Variants in PARD3B observed in about 807,000 individuals in gnomAD.
The protein encoded by PARD3B is par-3 family cell polarity regulator beta, also known as partitioning defective 3 homolog B.
PARD3B carries 103 observed loss-of-function variants against 130.2 expected under a neutral mutation model. The observed-to-expected ratio is 0.79, with a 90% CI of 0.67 to 0.93. The LOEUF is 0.93. PARD3B is among the 40% of genes least tolerant of loss of function. PARD3B has a pLI of 0.00. For synonymous variants in PARD3B, 583 were observed against 553.2 expected, an observed-to-expected ratio of 1.05 and a Z score of -0.76; for missense variants, 1,609 against 1,499.2, an observed-to-expected ratio of 1.07 and a Z score of -1.21.
intron 2 of PARD3B, among the ~76,000 whole-genome samples, chr2:204,925,447 C>T (rs1687530874): frequency 6.6e-6 from 1 of 152,004 alleles, no homozygotes; most frequent in South Asian, 2.1e-4. Flanking sequence ...TGTAATTGAG[C>T]TCCTTGAGTC....
chr2:204,610,885 T>TA lies in PARD3B; in HGVS notation c.120+64767dup, dbSNP rs373858695. ...TAAAATTCAGTTGATATATGCTTGA[T>TA]ACAATTTACTCAGATTTTTGAAGAT... On this transcript the variant is annotated intron_variant, in intron 1 of 22. Transcript: ENST00000406610. The surrounding 1 kb of genome is among the most constrained non-coding windows in gnomAD (Gnocchi z 4.1). 2.8e-3 allele frequency among the ~76,000 whole-genome samples: 433 copies of TA among 152,330 alleles called. 4 individuals carry two copies. Among genetic ancestry groups the TA allele is most frequent in the African/African-American group, 0.01 (416 of 41,586 alleles).
intron 2 of PARD3B, among the ~76,000 whole-genome samples, chr2:204,774,628 A>G (rs1168368399): frequency 5.3e-5 from 8 of 152,100 alleles, no homozygotes; most frequent in Admixed American, 5.2e-4. Context: ...CTACTAGCCT[A>G]CTTTTTGATT....
chr2:205,349,461 T>G (rs2105839160), intron 18 of PARD3B, among the ~76,000 whole-genome samples: 1 of 152,336 alleles, frequency 6.6e-6, no homozygotes, highest in Admixed American at 6.5e-5. Flanking sequence ...TGTTGTTTCT[T>G]ACTTCATCAA....
At chr2:204,550,332 CGTA>C (rs1424237895) in intron 1 of PARD3B, among the ~76,000 whole-genome samples, 4 of 151,558 alleles carry the variant, frequency 2.6e-5, no homozygotes, top group Non-Finnish European at 5.9e-5. Context: ...GTTCAGTACA[CGTA>C]GTTTTTTTTC....
At chr2:204,831,770 T>C (rs968802845) in intron 2 of PARD3B, among the ~76,000 whole-genome samples, 3 of 152,184 alleles carry the variant, frequency 2.0e-5, no homozygotes, top group Admixed American at 2.0e-4. Flanking sequence ...AAGGGGACTA[T>C]TGCAAACAAC....
chr2:205,441,313 A>G (rs1412737594), intron 20 of PARD3B, among the ~76,000 whole-genome samples: 1 of 152,244 alleles, frequency 6.6e-6, no homozygotes, highest in Non-Finnish European at 1.5e-5. Context: ...ACTATCTGTC[A>G]GTACAATTGA....
chr2:204,590,532 G>A (rs1017698609), intron 1 of PARD3B, among the ~76,000 whole-genome samples: 3 of 152,166 alleles, frequency 2.0e-5, no homozygotes, highest in Admixed American at 1.3e-4. Context: ...TCTCTTCTGG[G>A]CATATGGCAA....
chr2:205,540,501 T>G (rs917107433), intron 21 of PARD3B, among the ~76,000 whole-genome samples: 13 of 152,196 alleles, frequency 8.5e-5, no homozygotes, highest in Non-Finnish European at 2.9e-5. Context: ...GCTATTGAAA[T>G]CAAAACATTC....
chr2:204,945,956 C>A (rs1005494012), intron 2 of PARD3B, among the ~76,000 whole-genome samples: 2 of 152,166 alleles, frequency 1.3e-5, no homozygotes, highest in African/African-American at 2.4e-5. Context: ...GTTGTTTCTT[C>A]TGCCTTGAAG....
intron 2 of PARD3B, among the ~76,000 whole-genome samples, chr2:204,917,277 G>A (rs1209692689): frequency 6.6e-6 from 1 of 152,224 alleles, no homozygotes; most frequent in Non-Finnish European, 1.5e-5. Context: ...GGAAGGATCT[G>A]TAGCTGAGGA....
chr2:204,798,406 C>G (rs1559153228), intron 2 of PARD3B, among the ~76,000 whole-genome samples: 1 of 152,142 alleles, frequency 6.6e-6, no homozygotes, highest in African/African-American at 2.4e-5. Context: ...GCCAGCCCCC[C>G]CACAGCAGGC....
rs560449278 is a variant in PARD3B at position 205,200,383 on chromosome 2, C to T, written c.2140+7063C>T. Reference sequence around the variant, plus strand: ...TGTCTGTTATACAAAGCAAACAGACCTCTTTCAGTCTTAGTTAATTTTTCT... The same window carrying T: ...TGTCTGTTATACAAAGCAAACAGACTTCTTTCAGTCTTAGTTAATTTTTCT... On this transcript the variant is annotated intron_variant, in intron 15 of 22. Transcript: ENST00000406610. Among the ~76,000 whole-genome samples, 17 of 152,206 alleles carry T rather than the reference C, an allele frequency of 1.1e-4. No homozygotes were observed. The South Asian group carries it at 3.5e-3, about 32-fold the overall frequency.
At chr2:204,980,874 C>T (rs973923212) in intron 3 of PARD3B, among the ~76,000 whole-genome samples, 6 of 152,214 alleles carry the variant, frequency 3.9e-5, no homozygotes, top group East Asian at 3.9e-4. Context: ...AAAGGTCATT[C>T]GTGGAAAAGC....
intron 2 of PARD3B, among the ~76,000 whole-genome samples, chr2:204,759,166 A>G (rs529680817): frequency 1.3e-5 from 2 of 152,278 alleles, no homozygotes; most frequent in East Asian, 3.9e-4. Context: ...GAGTTCTATA[A>G]TTCAACACCT....
chr2:205,124,191 A>G (rs2031100720), intron 8 of PARD3B, 136 bp from the exon 9 acceptor site: 3 of 738,602 alleles, frequency 4.1e-6, no homozygotes, highest in African/African-American at 1.8e-5. Flanking sequence ...TAACTGAAGC[A>G]TATTTAAAAT....
At chr2:204,651,638 C>T (rs534521201) in intron 1 of PARD3B, among the ~76,000 whole-genome samples, 6 of 152,324 alleles carry the variant, frequency 3.9e-5, no homozygotes, top group South Asian at 2.1e-4. Flanking sequence ...TGGCCCTTTT[C>T]TCATAGCTCC....
At chr2:204,977,424 C>G (rs757126060) in intron 3 of PARD3B, among the ~76,000 whole-genome samples, 2 of 152,102 alleles carry the variant, frequency 1.3e-5, no homozygotes, top group Non-Finnish European at 2.9e-5. Flanking sequence ...CAACAGGAAA[C>G]GGCATACTCA....
intron 2 of PARD3B, among the ~76,000 whole-genome samples, chr2:204,947,619 A>G (rs1689439248): frequency 6.8e-6 from 1 of 146,582 alleles, no homozygotes; most frequent in Non-Finnish European, 1.5e-5. Context: ...TTACTTATTA[A>G]CTAGCCACAT....
chr2:204,609,229 T>C (rs2033839097), intron 1 of PARD3B, among the ~76,000 whole-genome samples: 1 of 152,190 alleles, frequency 6.6e-6, no homozygotes, highest in South Asian at 2.1e-4. Flanking sequence ...CATCAACTTA[T>C]TTTTTATGAA....
Sources: allele counts gnomAD v4.1 joint callset (sites outside exome capture counted in the v4.1 genomes callset), GRCh38; gene constraint gnomAD v4.1.1; non-coding constraint Gnocchi (gnomAD v3.1); transcripts MANE v1.5; gene names NCBI Gene and HGNC (gene_info 2026-07-23, HGNC 2026-07-21).